The following CNTNAP5 variants were observed in gnomAD, a reference collection of about 807,000 sequenced individuals.
CNTNAP5 encodes contactin associated protein family member 5.
A neutral mutation model predicts 150.2 loss-of-function variants in CNTNAP5; 72 were observed. The ratio of observed to expected loss-of-function variants is 0.48; its 90% confidence interval spans 0.40 to 0.58. CNTNAP5 has a LOEUF of 0.58. CNTNAP5 is among the 20% of genes least tolerant of loss of function. The pLI, the probability that CNTNAP5 is intolerant of heterozygous loss-of-function variation, is 0.00. For missense variants in CNTNAP5, 1,636 were observed against 1,626.2 expected (o/e 1.01, Z -0.10); for synonymous variants, 672 against 619.8 (o/e 1.08, Z -1.25).
rs754634910 is a variant in CNTNAP5, at chr2:124,911,450, T to C, written c.3656-17T>C. The C allele has an allele frequency of 1.1e-5, 17 of 1,569,938 alleles. No homozygotes were observed. The highest frequency in any genetic ancestry group is 1.5e-5 in the Non-Finnish European group (17 of 1,152,090). On this transcript the variant is annotated splice_polypyrimidine_tract_variant and intron_variant, in intron 22 of 23. Coordinates refer to ENST00000682447, the MANE Select transcript of CNTNAP5 (RefSeq NM_001367498.1). ...TTTGAGTGAGAAGTAAAGTCCCATG[T>C]CTTTTACTCCTTTCAGATCCTTTTG...
chr2:124,257,867 A>T (rs10496631), intron 3 of CNTNAP5, among the ~76,000 whole-genome samples: 11,681 of 152,184 alleles, frequency 0.077, 614 homozygotes, highest in Non-Finnish European at 0.12. Flanking sequence ...ATTCAATAGT[A>T]ACTTGCTGAC....
intron 1 of CNTNAP5, among the ~76,000 whole-genome samples, chr2:124,044,535 G>A (rs1420349459): frequency 6.6e-6 from 1 of 152,114 alleles, no homozygotes. Context: ...TATTGGTAAA[G>A]AAAGACATTC....
rs573547171 is a variant in CNTNAP5, at chr2:124,306,605, T to G, written c.381+64212T>G. Among the ~76,000 whole-genome samples the G allele has an allele frequency of 9.9e-5, 15 of 152,000 alleles. No homozygotes were observed. The South Asian group carries it at 1.0e-3, about 11-fold the overall frequency. On this transcript the variant is annotated intron_variant, in intron 3 of 23. Coordinates refer to ENST00000682447, the MANE Select transcript of CNTNAP5 (RefSeq NM_001367498.1). ...TGCACTGCACAGGTTCTCTAGAGAG[T>G]GTTGAGGTGCTATCACCAGAACGAG...
intron 6 of CNTNAP5, among the ~76,000 whole-genome samples, chr2:124,469,516 T>G (rs1375957998): frequency 6.6e-6 from 1 of 152,126 alleles, no homozygotes; most frequent in African/African-American, 2.4e-5. Flanking sequence ...CATTATAAAT[T>G]TGATGTATGT....
intron 5 of CNTNAP5, among the ~76,000 whole-genome samples, chr2:124,444,126 C>G (rs147212119): frequency 2.6e-5 from 4 of 152,050 alleles, no homozygotes; most frequent in Admixed American, 2.6e-4. Flanking sequence ...GTTCTATCTC[C>G]GTCACCTGGA....
chr2:124,340,885 T>C (rs983072110), intron 3 of CNTNAP5, among the ~76,000 whole-genome samples: 23 of 146,798 alleles, frequency 1.6e-4, no homozygotes, highest in South Asian at 4.3e-4. Context: ...CATATATATA[T>C]ACATATATAT....
chr2:124,053,193 C>T (rs938462250), intron 1 of CNTNAP5, among the ~76,000 whole-genome samples: 2 of 152,170 alleles, frequency 1.3e-5, no homozygotes, highest in Non-Finnish European at 2.9e-5. Flanking sequence ...CAAGAACAAA[C>T]TGTTAAGGAC....
At chr2:124,357,014 T>C (rs1408189437) in intron 3 of CNTNAP5, among the ~76,000 whole-genome samples, 4 of 152,196 alleles carry the variant, frequency 2.6e-5, no homozygotes, top group Non-Finnish European at 5.9e-5. Flanking sequence ...TGGTGTGAGA[T>C]GGTATCTCAT....
At chr2:124,799,296 A>G (rs1221077384) in intron 19 of CNTNAP5, among the ~76,000 whole-genome samples, 1 of 152,240 alleles carries the variant, frequency 6.6e-6, no homozygotes, top group Admixed American at 6.5e-5. Flanking sequence ...GAACGACACC[A>G]CTTAGGATGG....
intron 1 of CNTNAP5, among the ~76,000 whole-genome samples, chr2:124,100,864 C>CAA (rs60441145): frequency 4.9e-4 from 43 of 87,836 alleles, no homozygotes; most frequent in Non-Finnish European, 7.1e-4. Context: ...GACTCTGTCT[C>CAA]AAAAAAAAAA....
intron 1 of CNTNAP5, among the ~76,000 whole-genome samples, chr2:124,197,404 C>T (rs1243416349): frequency 6.6e-6 from 1 of 152,152 alleles, no homozygotes; most frequent in East Asian, 1.9e-4. Flanking sequence ...TCTGTTGATA[C>T]TATTGCATAT....
intron 3 of CNTNAP5, among the ~76,000 whole-genome samples, chr2:124,312,432 T>G (rs1688852608): frequency 6.6e-6 from 1 of 152,110 alleles, no homozygotes; most frequent in Non-Finnish European, 1.5e-5. Flanking sequence ...CACTGCAACC[T>G]CCGCACCACT....
At chr2:124,334,080 A>T (rs1324343846) in intron 3 of CNTNAP5, among the ~76,000 whole-genome samples, 1 of 152,118 alleles carries the variant, frequency 6.6e-6, no homozygotes, top group East Asian at 1.9e-4. Flanking sequence ...CAGTGGATGT[A>T]GTCCAGGACT....
intron 1 of CNTNAP5, among the ~76,000 whole-genome samples, chr2:124,058,175 GA>G (rs1206559861): frequency 1.3e-5 from 2 of 152,090 alleles, no homozygotes; most frequent in Non-Finnish European, 2.9e-5. Flanking sequence ...CCCTAAGTAA[GA>G]ATTTCCTGGT....
chr2:124,172,694 G>A (rs1283633445), intron 1 of CNTNAP5, among the ~76,000 whole-genome samples: 4 of 152,132 alleles, frequency 2.6e-5, no homozygotes, highest in Non-Finnish European at 5.9e-5. Context: ...GATTACAGGT[G>A]TGAGCCATGG....
At chr2:124,581,094 A>G (rs13029736) in intron 11 of CNTNAP5, among the ~76,000 whole-genome samples, 26,617 of 152,098 alleles carry the variant, frequency 0.17, 2,536 homozygotes, top group South Asian at 0.25. Context: ...CAATGAGGAA[A>G]CCAGGGGAAT....
chr2:124,499,980 T>A (rs142592123), intron 7 of CNTNAP5, among the ~76,000 whole-genome samples: 75 of 152,054 alleles, frequency 4.9e-4, no homozygotes, highest in African/African-American at 1.7e-3. Flanking sequence ...AAGGCCTGAG[T>A]ACCAGAAGTT....
intron 1 of CNTNAP5, among the ~76,000 whole-genome samples, chr2:124,151,669 C>G (rs1338550330): frequency 6.6e-6 from 1 of 152,326 alleles, no homozygotes; most frequent in Non-Finnish European, 1.5e-5. Context: ...GTATGTACCA[C>G]GTCTGACAGA....
chr2:124,358,366 A>T (rs981963657), intron 3 of CNTNAP5, among the ~76,000 whole-genome samples: 1 of 152,156 alleles, frequency 6.6e-6, no homozygotes, highest in East Asian at 1.9e-4. Context: ...GAGAGAGGGC[A>T]TCCCTGTCTT....
Sources: allele counts gnomAD v4.1 joint callset (sites outside exome capture counted in the v4.1 genomes callset), GRCh38; gene constraint gnomAD v4.1.1; transcripts MANE v1.5; gene names NCBI Gene and HGNC (gene_info 2026-07-23, HGNC 2026-07-21).